ARNT2: variants seen among roughly 807,000 people sequenced by gnomAD.
The protein encoded by ARNT2 is ARNT protein 2.
In ARNT2, 36 loss-of-function variants were observed where a neutral mutation model predicts 91.7. The observed-to-expected ratio is 0.39, with a 90% CI of 0.30 to 0.52. The LOEUF (loss-of-function observed/expected upper bound fraction) is 0.52, where lower values mean the gene tolerates loss of function less well. ARNT2 is among the 20% of genes least tolerant of loss of function. The pLI is 0.72. For synonymous variants in ARNT2, 365 were observed against 347.1 expected, an observed-to-expected ratio of 1.05 and a Z score of -0.57; for missense variants, 775 against 939.3, an observed-to-expected ratio of 0.83 and a Z score of 2.29.
intron 17 of ARNT2, among the ~76,000 whole-genome samples, chr15:80,585,245 T>C (rs764814967): frequency 4.6e-5 from 7 of 152,188 alleles, no homozygotes; most frequent in Non-Finnish European, 8.8e-5. Flanking sequence ...AAATGTAGCA[T>C]CCACTAGGAA....
chr15:80,485,445 A>G (rs1484242781), intron 5 of ARNT2, among the ~76,000 whole-genome samples: 2 of 152,234 alleles, frequency 1.3e-5, no homozygotes, highest in African/African-American at 4.8e-5. Flanking sequence ...AATAAAACCC[A>G]TGTGGCCTGG....
At chr15:80,425,637 T>C (rs1218425975) in intron 1 of ARNT2, among the ~76,000 whole-genome samples, 1 of 152,204 alleles carries the variant, frequency 6.6e-6, no homozygotes, top group African/African-American at 2.4e-5. Flanking sequence ...TACATACATA[T>C]GTGTGTGCCA....
chr15:80,417,443 A>C (rs1235386243), intron 1 of ARNT2, among the ~76,000 whole-genome samples: 1 of 152,154 alleles, frequency 6.6e-6, no homozygotes, highest in Non-Finnish European at 1.5e-5. Flanking sequence ...CAAATTCGGG[A>C]GGTTATAATT....
intron 8 of ARNT2, among the ~76,000 whole-genome samples, chr15:80,548,024 C>A (rs546940721): frequency 6.6e-6 from 1 of 151,922 alleles, no homozygotes; most frequent in Non-Finnish European, 1.5e-5. Flanking sequence ...TTACAATTAG[C>A]CTTTAAGAAA....
In ARNT2 at chr15:80,580,393, C is replaced by G; in HGVS notation, c.1614-18C>G. ...ACCAGGTGTGTCCTCGGGATAAATG[C>G]ATTTTCCTCTTTTCTAGCTCTTCAG... On this transcript the variant is annotated intron_variant, in intron 15 of 18. Transcript: ENST00000303329. The G allele has an allele frequency of 6.2e-7, 1 of 1,613,866 alleles. No homozygotes were observed. The highest frequency in any genetic ancestry group is 8.5e-7 in the Non-Finnish European group (1 of 1,179,942).
chr15:80,432,588 C>T (rs1400180989), intron 1 of ARNT2, among the ~76,000 whole-genome samples: 2 of 152,214 alleles, frequency 1.3e-5, no homozygotes, highest in East Asian at 3.9e-4. Flanking sequence ...ACCTTATGGC[C>T]TTCAAAGCCT....
chr15:80,564,232 C>T (rs1303890958), intron 12 of ARNT2, among the ~76,000 whole-genome samples: 5 of 152,068 alleles, frequency 3.3e-5, no homozygotes, highest in Non-Finnish European at 7.4e-5. Context: ...TCCAACCCTA[C>T]CACCTCTTCT....
chr15:80,431,800 T>A (rs533252492), intron 1 of ARNT2, among the ~76,000 whole-genome samples: 1 of 152,312 alleles, frequency 6.6e-6, no homozygotes, highest in African/African-American at 2.4e-5. Context: ...AGGGTGGGCT[T>A]TGTTCCTCCA....
intron 8 of ARNT2, among the ~76,000 whole-genome samples, chr15:80,544,650 AG>A (rs1897962896): frequency 6.6e-6 from 1 of 152,206 alleles, no homozygotes; most frequent in Non-Finnish European, 1.5e-5. Context: ...ATTATCAGTA[AG>A]CCAGGCTTAC....
chr15:80,475,552 T>G (rs1342066894), intron 5 of ARNT2: 1 of 110,706 alleles, frequency 9.0e-6, no homozygotes, highest in African/African-American at 3.8e-5. Flanking sequence ...AGAGTGAGAC[T>G]CTGTCTCAAA....
intron 1 of ARNT2, among the ~76,000 whole-genome samples, chr15:80,415,006 C>T (rs1303742088): frequency 6.6e-6 from 1 of 152,206 alleles, no homozygotes; most frequent in Non-Finnish European, 1.5e-5. Flanking sequence ...GACTGACCAA[C>T]CATTGGTGAA....
chr15:80,586,227 G>A (rs1898895713), intron 17 of ARNT2, among the ~76,000 whole-genome samples: 1 of 152,166 alleles, frequency 6.6e-6, no homozygotes, highest in Non-Finnish European at 1.5e-5. Context: ...TGCTCCAAGT[G>A]TGGCATACAC....
At chr15:80,451,029 A>ACATT in intron 2 of ARNT2, 35 bp downstream of exon 2, 1 of 1,585,436 alleles carries the variant, frequency 6.3e-7, no homozygotes, top group Non-Finnish European at 8.6e-7. Flanking sequence ...AATTGGCTTA[A>ACATT]TAAATGTTGA....
intron 12 of ARNT2, among the ~76,000 whole-genome samples, chr15:80,567,863 A>G (rs1898514989): frequency 6.6e-6 from 1 of 152,168 alleles, no homozygotes; most frequent in African/African-American, 2.4e-5. Context: ...GGCAGTGACA[A>G]TCAGGGATGT....
intron 8 of ARNT2, among the ~76,000 whole-genome samples, chr15:80,536,478 A>G (rs4778602): frequency 0.027 from 4,183 of 152,214 alleles, 186 homozygotes; most frequent in African/African-American, 0.095. Context: ...GAGCCACCCT[A>G]TTGGACATGT....
intron 9 of ARNT2, among the ~76,000 whole-genome samples, chr15:80,552,088 A>G (rs1235425082): frequency 6.6e-6 from 1 of 152,150 alleles, no homozygotes; most frequent in African/African-American, 2.4e-5. Flanking sequence ...GACATACTAG[A>G]CCTGGTTCAG....
At chr15:80,559,239 T>G (rs1013040931) in intron 11 of ARNT2, among the ~76,000 whole-genome samples, 5 of 152,126 alleles carry the variant, frequency 3.3e-5, no homozygotes, top group Non-Finnish European at 7.4e-5. Flanking sequence ...GATATCCAGG[T>G]TAAGTAACTC....
intron 3 of ARNT2, among the ~76,000 whole-genome samples, chr15:80,462,566 A>T (rs56010510): frequency 0.33 from 50,870 of 152,034 alleles, 8,723 homozygotes; most frequent in African/African-American, 0.4. Context: ...TTCTCAAAAG[A>T]CCCTAAAGGC....
At chr15:80,547,494 A>G (rs1443834674) in intron 8 of ARNT2, among the ~76,000 whole-genome samples, 1 of 152,186 alleles carries the variant, frequency 6.6e-6, no homozygotes, top group Non-Finnish European at 1.5e-5. Context: ...GAAAGCATGT[A>G]TGCTTCCTTT....
Sources: gnomAD v4.1 joint callset for allele counts (sites outside exome capture counted in the v4.1 genomes callset) on GRCh38, gnomAD v4.1.1 for gene constraint, MANE v1.5 for transcripts, NCBI Gene and HGNC (gene_info 2026-07-23, HGNC 2026-07-21) for gene names.